The following MDGA2 variants were observed in gnomAD, a reference collection of about 807,000 sequenced individuals.
MDGA2 encodes the protein MAM domain containing glycosylphosphatidylinositol anchor 2.
MDGA2 carries 40 observed loss-of-function variants against 117.8 expected under a neutral mutation model. That is an observed-to-expected ratio of 0.34 (90% confidence interval 0.26 to 0.44). The LOEUF is 0.44. MDGA2 is among the 20% of genes least tolerant of loss of function. The pLI is 1.00. For missense variants in MDGA2, 1,123 were observed against 1,250.6 expected (o/e 0.90, Z 1.54); for synonymous variants, 452 against 439.0 (o/e 1.03, Z -0.37).
intron 3 of MDGA2, among the ~76,000 whole-genome samples, chr14:47,189,687 T>C (rs1594708956): frequency 6.6e-6 from 1 of 152,292 alleles, no homozygotes; most frequent in East Asian, 1.9e-4. Context: ...AATTGTTTCC[T>C]AAATCATAAA....
At chr14:47,552,355 C>T (rs1277263254) in intron 1 of MDGA2, among the ~76,000 whole-genome samples, 1 of 152,198 alleles carries the variant, frequency 6.6e-6, no homozygotes, top group Non-Finnish European at 1.5e-5. Context: ...TGGGCATTTC[C>T]AAACTAGTAT....
At chr14:47,055,679 G>A (rs752409874) in intron 7 of MDGA2, among the ~76,000 whole-genome samples, 4 of 152,138 alleles carry the variant, frequency 2.6e-5, no homozygotes, top group Non-Finnish European at 4.4e-5. Context: ...TATCAAAAGT[G>A]TAGGTTTGAG....
chr14:46,936,810 T>C lies in MDGA2; in HGVS notation c.2090-16650A>G, dbSNP rs911835738. Among the ~76,000 whole-genome samples the C allele has an allele frequency of 2.8e-4, 43 of 151,850 alleles. 1 individual carries two copies. Among genetic ancestry groups the C allele is most frequent in the Admixed American group, 3.3e-4 (5 of 15,230 alleles). ...AGGAACTTCAACACAATAATGTCTATATAGGACAAACCCACAGCTAACATC... is the reference window on the plus strand; with the variant it reads ...AGGAACTTCAACACAATAATGTCTACATAGGACAAACCCACAGCTAACATC... On this transcript the variant is annotated intron_variant, in intron 9 of 16. Transcript: ENST00000399232.
chr14:46,929,580 CGTGTGTGT>C (rs375013114), intron 9 of MDGA2, among the ~76,000 whole-genome samples: 13,204 of 32,380 alleles, frequency 0.41, 3,271 homozygotes, highest in Middle Eastern at 0.46. Context: ...AGTATATATA[CGTGTGTGT>C]GTGTGTGTGT....
chr14:47,015,075 C>T (rs578031197), intron 8 of MDGA2, among the ~76,000 whole-genome samples: 16 of 151,730 alleles, frequency 1.1e-4, no homozygotes, highest in African/African-American at 2.4e-4. Flanking sequence ...ATAGGGAGAC[C>T]CAAGGAGGAG....
At chr14:46,995,063 C>A (rs536817709) in intron 8 of MDGA2, among the ~76,000 whole-genome samples, 3 of 152,080 alleles carry the variant, frequency 2.0e-5, no homozygotes, top group Admixed American at 6.5e-5. Flanking sequence ...AATCATACAT[C>A]TAAAATTTAA....
chr14:46,869,406 T>C (rs1007455149), intron 14 of MDGA2, among the ~76,000 whole-genome samples: 6 of 150,666 alleles, frequency 4.0e-5, no homozygotes, highest in African/African-American at 1.5e-4. Flanking sequence ...TCATCGAGAA[T>C]TGAAATGTCC....
chr14:47,516,683 G>C (rs893182408), intron 1 of MDGA2, among the ~76,000 whole-genome samples: 2 of 152,154 alleles, frequency 1.3e-5, no homozygotes, highest in African/African-American at 4.8e-5. Context: ...CATTGTCCCT[G>C]TTCATAGGGT....
At position 46,920,083 on chromosome 14, in the gene MDGA2, T is replaced by C. The variant is rs778588739; in HGVS notation, c.2167A>G (p.Ser723Gly). 1.9e-6 allele frequency: 3 copies of C among 1,612,068 alleles called. No individual in the cohort carries two copies. Among genetic ancestry groups the C allele is most frequent in the Non-Finnish European group, 1.7e-6 (2 of 1,179,144 alleles). The change falls in exon 10 of 17, where the codon AGT becomes GGT. Residue 723 changes from serine to glycine, a missense_variant. By Grantham distance (56) the Ser-to-Gly change is moderately conservative. Coordinates refer to ENST00000399232, the MANE Select transcript of MDGA2 (RefSeq NM_001113498.3). ...GGATTCATCTGTGTCCACTGTAGAC[T>C]GTAAGAATAAACACGGTGTCTGTTC... ...WQNRHRVYSY[S>G]LQWTQMNPDA...
At chr14:47,653,258 C>CTGGAAAA (rs1897678906) in intron 1 of MDGA2, among the ~76,000 whole-genome samples, 3 of 152,108 alleles carry the variant, frequency 2.0e-5, no homozygotes, top group Admixed American at 2.0e-4. Context: ...GAATAGATTT[C>CTGGAAAA]ATTCATCCAG....
At chr14:47,665,561 C>G (rs1897930287) in intron 1 of MDGA2, among the ~76,000 whole-genome samples, 1 of 152,148 alleles carries the variant, frequency 6.6e-6, no homozygotes, top group East Asian at 1.9e-4. Context: ...CAGGGCTGCG[C>G]TGGGCACTTG....
At chr14:47,365,161 C>T (rs928293746) in intron 1 of MDGA2, among the ~76,000 whole-genome samples, 1 of 152,180 alleles carries the variant, frequency 6.6e-6, no homozygotes, top group Non-Finnish European at 1.5e-5. Context: ...TCATCTCCAT[C>T]CGCCTCTCAA....
intron 1 of MDGA2, among the ~76,000 whole-genome samples, chr14:47,465,742 T>C (rs1893590309): frequency 6.6e-6 from 1 of 151,994 alleles, no homozygotes; most frequent in Non-Finnish European, 1.5e-5. Flanking sequence ...GGAGTGAAAA[T>C]AGTTCAACCA....
chr14:47,060,425 A>C (rs1889842934), intron 7 of MDGA2, among the ~76,000 whole-genome samples: 1 of 152,100 alleles, frequency 6.6e-6, no homozygotes, highest in Non-Finnish European at 1.5e-5. Flanking sequence ...CTATGTTTTC[A>C]ACACATATTA....
At chr14:47,037,014 G>A (rs1888880203) in intron 7 of MDGA2, among the ~76,000 whole-genome samples, 1 of 152,162 alleles carries the variant, frequency 6.6e-6, no homozygotes, top group South Asian at 2.1e-4. Context: ...GTTTAAAACG[G>A]CTCCATTTTA....
rs549807516 is a variant in MDGA2 at position 46,983,116 on chromosome 14, T to TA, written c.1820-25474dup. Among the ~76,000 whole-genome samples the TA allele has an allele frequency of 7.0e-4, 107 of 152,150 alleles. 2 individuals carry two copies. In the South Asian group the frequency reaches 0.019, roughly 27 times the overall value. On this transcript the variant is annotated intron_variant, in intron 8 of 16. Coordinates refer to ENST00000399232, the MANE Select transcript of MDGA2 (RefSeq NM_001113498.3). ...TAATATGCTGGATTACGTTTATTGA[T>TA]AAAAAAACTGATGCAAAAATATTTT...
At chr14:47,268,594 C>T (rs528629710) in intron 2 of MDGA2, among the ~76,000 whole-genome samples, 1 of 152,100 alleles carries the variant, frequency 6.6e-6, no homozygotes, top group East Asian at 1.9e-4. Flanking sequence ...TGCCTCTAAA[C>T]TCTCCATTTC....
chr14:47,475,663 A>G (rs1386069449), intron 1 of MDGA2, among the ~76,000 whole-genome samples: 3 of 152,188 alleles, frequency 2.0e-5, no homozygotes, highest in Non-Finnish European at 2.9e-5. Flanking sequence ...GAATGAGATT[A>G]TATCCTTTCA....
chr14:47,061,686 G>T, intron 6 of MDGA2, 108 bp from the exon 7 acceptor site: 2 of 902,386 alleles, frequency 2.2e-6, no homozygotes, highest in African/African-American at 1.7e-5. Context: ...ACCAAATAAA[G>T]TGTACATATA....
Sources: allele counts gnomAD v4.1 joint callset (sites outside exome capture counted in the v4.1 genomes callset), GRCh38; gene constraint gnomAD v4.1.1; transcripts MANE v1.5; gene names NCBI Gene and HGNC (gene_info 2026-07-23, HGNC 2026-07-21).